CNTN5: variants seen among roughly 807,000 people sequenced by gnomAD.
CNTN5 encodes the protein contactin-5.
Under a neutral mutation model 129.1 loss-of-function variants are expected in CNTN5, and 77 were observed. The observed-to-expected ratio is 0.60, with a 90% confidence interval of 0.50 to 0.72. CNTN5 has a LOEUF of 0.72. Ranked by LOEUF, CNTN5 falls within the 30% of genes least tolerant of loss-of-function variation. CNTN5 has a pLI of 0.00. For missense variants in CNTN5, 1,478 were observed against 1,328.8 expected (o/e 1.11, Z -1.75); for synonymous variants, 509 against 465.6 (o/e 1.09, Z -1.20).
At chr11:99,929,980 C>T (rs1467939595) in intron 7 of CNTN5, among the ~76,000 whole-genome samples, 1 of 152,164 alleles carries the variant, frequency 6.6e-6, no homozygotes, top group Non-Finnish European at 1.5e-5. Flanking sequence ...AGATTGACTG[C>T]CTCGCCTGAT....
intron 8 of CNTN5, among the ~76,000 whole-genome samples, chr11:99,972,656 A>G (rs1168527692): frequency 6.6e-6 from 1 of 152,152 alleles, no homozygotes; most frequent in Non-Finnish European, 1.5e-5. Context: ...AAATTTCCGA[A>G]GAGAATGAAA....
At chr11:99,182,709 G>A (rs80157194) in intron 1 of CNTN5, among the ~76,000 whole-genome samples, 3,844 of 152,128 alleles carry the variant, frequency 0.025, 160 homozygotes, top group African/African-American at 0.086. Context: ...AGTTTTTAAC[G>A]TACTCGGGCT....
intron 3 of CNTN5, among the ~76,000 whole-genome samples, chr11:99,790,568 A>G (rs959366032): frequency 6.6e-6 from 1 of 152,080 alleles, no homozygotes; most frequent in Non-Finnish European, 1.5e-5. Flanking sequence ...TACCCAGTCT[A>G]CCATTCATGG....
chr11:99,956,811 AT>A lies in CNTN5; in HGVS notation c.680del (p.Ile227ThrfsTer45). 6.2e-7 allele frequency: 1 copy of A among 1,613,674 alleles called. No homozygotes were observed. The highest frequency in any genetic ancestry group is 8.5e-7 in the Non-Finnish European group (1 of 1,179,662). ...CSPPPHSPEI[I>X]YSWVFNEFPS... ...CAAATTTTGTGTATTTTCAGAGATC[AT>A]CTATAGCTGGGTATTTAATGAGTTC... On this transcript the variant is annotated frameshift_variant, in exon 8 of 25. Transcript: ENST00000524871. LOFTEE classifies it high-confidence loss of function.
At chr11:99,629,001 A>T (rs1591385101) in intron 3 of CNTN5, among the ~76,000 whole-genome samples, 2 of 152,172 alleles carry the variant, frequency 1.3e-5, no homozygotes, top group African/African-American at 4.8e-5. Context: ...TACAAATTAA[A>T]TACTAAAACA....
chr11:100,060,950 T>G (rs539615315), intron 9 of CNTN5, among the ~76,000 whole-genome samples: 1 of 152,316 alleles, frequency 6.6e-6, no homozygotes, highest in South Asian at 2.1e-4. Context: ...TAACAATGTT[T>G]TTAAAAATAA....
intron 1 of CNTN5, among the ~76,000 whole-genome samples, chr11:99,203,425 T>A (rs892848669): frequency 6.6e-6 from 1 of 152,188 alleles, no homozygotes; most frequent in East Asian, 1.9e-4. Flanking sequence ...TCTGAAAATA[T>A]AAGGATTTTT....
At chr11:99,841,663 G>A (rs1411898800) in intron 4 of CNTN5, among the ~76,000 whole-genome samples, 1 of 151,184 alleles carries the variant, frequency 6.6e-6, no homozygotes, top group Non-Finnish European at 1.5e-5. Flanking sequence ...AGGAGAAGGA[G>A]AATGAAGAAG....
At chr11:99,213,308 T>C (rs935266072) in intron 1 of CNTN5, among the ~76,000 whole-genome samples, 5 of 145,540 alleles carry the variant, frequency 3.4e-5, no homozygotes, top group Admixed American at 7.0e-5. Flanking sequence ...ATATAATATA[T>C]ACATATATAA....
chr11:99,686,525 T>A (rs904927206), intron 3 of CNTN5, among the ~76,000 whole-genome samples: 2 of 152,200 alleles, frequency 1.3e-5, no homozygotes, highest in Admixed American at 6.5e-5. Flanking sequence ...TTAGAATATT[T>A]AATTATGTTT....
chr11:99,589,439 T>C (rs1949908810), intron 3 of CNTN5, among the ~76,000 whole-genome samples: 1 of 152,224 alleles, frequency 6.6e-6, no homozygotes. Context: ...AGAAAAATAC[T>C]GCTTCCAAAG....
intron 3 of CNTN5, among the ~76,000 whole-genome samples, chr11:99,579,045 A>G (rs376235449): frequency 0.043 from 6,563 of 152,118 alleles, 178 homozygotes; most frequent in South Asian, 0.086. Flanking sequence ...AGCTTTCTAC[A>G]TATGGCTAGC....
intron 17 of CNTN5, among the ~76,000 whole-genome samples, chr11:100,256,908 G>GT (rs1950083357): frequency 6.6e-6 from 1 of 152,046 alleles, no homozygotes; most frequent in African/African-American, 2.4e-5. Context: ...CTGCAGGAGT[G>GT]TTTTTTCATA....
At chr11:99,750,000 T>C (rs898250689) in intron 3 of CNTN5, among the ~76,000 whole-genome samples, 2 of 152,184 alleles carry the variant, frequency 1.3e-5, no homozygotes, top group African/African-American at 4.8e-5. Flanking sequence ...CTACCATTCA[T>C]GTATAAGTTA....
At chr11:99,382,851 T>TTTG (rs1940672214) in intron 2 of CNTN5, among the ~76,000 whole-genome samples, 1 of 81,774 alleles carries the variant, frequency 1.2e-5, no homozygotes, top group South Asian at 4.5e-4. Context: ...ATAACTTTTT[T>TTTG]TTTTTTTTTT....
chr11:99,902,881 G>A (rs936339606), intron 6 of CNTN5, among the ~76,000 whole-genome samples: 9 of 152,174 alleles, frequency 5.9e-5, no homozygotes, highest in African/African-American at 1.2e-4. Context: ...GGCCAAGGAC[G>A]GGGAGCAGAT....
Position 99,683,553 on chromosome 11 carries a change from T to G in CNTN5, c.55+127284T>G, listed in dbSNP as rs139430592. 2.7e-3 allele frequency among the ~76,000 whole-genome samples: 417 copies of G among 152,046 alleles called. 5 individuals carry two copies. The highest frequency in any genetic ancestry group is 9.6e-3 in the African/African-American group (399 of 41,524). On this transcript the variant is annotated intron_variant, in intron 3 of 24. Coordinates refer to ENST00000524871, the MANE Select transcript of CNTN5 (RefSeq NM_014361.4). ...GGTTATTGTGCCTTTATAATAAATC[T>G]TTTTACTTGGTTGGCCACTTTCCAA...
intron 1 of CNTN5, among the ~76,000 whole-genome samples, chr11:99,115,512 A>G (rs1205653426): frequency 6.6e-6 from 1 of 152,120 alleles, no homozygotes; most frequent in Non-Finnish European, 1.5e-5. Flanking sequence ...TAATCCTAGC[A>G]CTTTGTGAGG....
At chr11:99,645,930 T>G (rs597155) in intron 3 of CNTN5, among the ~76,000 whole-genome samples, 90,902 of 151,500 alleles carry the variant, frequency 0.6, 28,074 homozygotes, top group Admixed American at 0.69. Context: ...ATGTATCCCA[T>G]AACTTAAAGT....
Sources: allele counts gnomAD v4.1 joint callset (sites outside exome capture counted in the v4.1 genomes callset), GRCh38; gene constraint gnomAD v4.1.1; transcripts MANE v1.5; gene names NCBI Gene and HGNC (gene_info 2026-07-23, HGNC 2026-07-21).